PPP1R12A: variants seen among roughly 807,000 people sequenced by gnomAD.
PPP1R12A encodes myosin binding subunit.
A neutral mutation model predicts 139.6 loss-of-function variants in PPP1R12A; 19 were observed. The ratio of observed to expected loss-of-function variants is 0.14; its 90% CI spans 0.09 to 0.20. The LOEUF (loss-of-function observed/expected upper bound fraction) is 0.20. Among genes scored for constraint, PPP1R12A ranks in the 10% least tolerant of loss-of-function variants. PPP1R12A has a pLI of 1.00. For synonymous variants in PPP1R12A, 427 were observed against 420.6 expected, an observed-to-expected ratio of 1.02 and a Z score of -0.19; for missense variants, 925 against 1,211.5, an observed-to-expected ratio of 0.76 and a Z score of 3.51.
At chr12:79,900,357 C>T (rs1391474659) in intron 1 of PPP1R12A, among the ~76,000 whole-genome samples, 2 of 152,160 alleles carry the variant, frequency 1.3e-5, no homozygotes, top group Non-Finnish European at 2.9e-5. Context: ...AGCAAATAAG[C>T]TCCATGTAAA....
intron 21 of PPP1R12A, chr12:79,786,727 C>T (rs1871180043): frequency 3.6e-6 from 1 of 279,968 alleles, no homozygotes; most frequent in East Asian, 8.2e-5. Context: ...TTGGACTTTT[C>T]AGGTTATCTT....
In PPP1R12A at chr12:79,830,322, T is replaced by C. The variant is rs1417469817; in HGVS notation, c.648-1858A>G. ...TCCTTGATTTTGACATTTCATAATATACCCTAGTGTTCTTTCTATAACAGT... is the reference window on the plus strand; with the variant it reads ...TCCTTGATTTTGACATTTCATAATACACCCTAGTGTTCTTTCTATAACAGT... On this transcript the variant is annotated intron_variant, in intron 4 of 24. Transcript: ENST00000450142. 2.0e-5 allele frequency among the ~76,000 whole-genome samples: 3 copies of C among 152,318 alleles called. No homozygotes were observed. The East Asian group carries it at 5.8e-4, about 29-fold the overall frequency.
chr12:79,806,498 G>A (rs528941577), intron 12 of PPP1R12A, among the ~76,000 whole-genome samples, 165 bp from the exon 13 acceptor site: 1 of 152,294 alleles, frequency 6.6e-6, no homozygotes, highest in Admixed American at 6.5e-5. Context: ...ACTTGCTAGA[G>A]TTTAGAAGAT....
intron 11 of PPP1R12A, among the ~76,000 whole-genome samples, chr12:79,808,038 AAAAAAT>A (rs1165825036): frequency 1.4e-4 from 22 of 151,776 alleles, no homozygotes; most frequent in African/African-American, 2.9e-4. Flanking sequence ...TCTGTCTCAA[AAAAAAT>A]AAAAATAAAA....
At chr12:79,872,707 A>G (rs1001219241) in intron 2 of PPP1R12A, 101 bp downstream of exon 2, 3 of 1,232,846 alleles carry the variant, frequency 2.4e-6, no homozygotes, top group South Asian at 3.2e-5. Context: ...TTCATGAATT[A>G]AAGTAATATA....
intron 3 of PPP1R12A, among the ~76,000 whole-genome samples, chr12:79,836,306 A>G (rs1281882717): frequency 1.3e-5 from 2 of 152,088 alleles, no homozygotes; most frequent in Admixed American, 6.6e-5. Context: ...TTTATCTTAG[A>G]TTTGCTTTTT....
intron 2 of PPP1R12A, among the ~76,000 whole-genome samples, chr12:79,869,021 C>G (rs896869641): frequency 2.0e-5 from 3 of 152,172 alleles, no homozygotes; most frequent in African/African-American, 7.2e-5. Flanking sequence ...AGCATAAAAT[C>G]AGGCTCCACA....
At chr12:79,923,780 C>A (rs556178202) in intron 1 of PPP1R12A, among the ~76,000 whole-genome samples, 1 of 152,120 alleles carries the variant, frequency 6.6e-6, no homozygotes, top group South Asian at 2.1e-4. Context: ...CGGTGGCTCA[C>A]GCCTGTAATC....
intron 2 of PPP1R12A, among the ~76,000 whole-genome samples, chr12:79,860,878 G>A (rs967002186): frequency 1.3e-5 from 2 of 151,912 alleles, no homozygotes; most frequent in Non-Finnish European, 2.9e-5. Context: ...TGGTGGTGGC[G>A]GCATTATTAT....
chr12:79,796,503 A>G (rs1872534045), intron 17 of PPP1R12A, among the ~76,000 whole-genome samples: 1 of 152,188 alleles, frequency 6.6e-6, no homozygotes, highest in Admixed American at 6.6e-5. Flanking sequence ...CTGCTTCTAG[A>G]AATAGTCACC....
chr12:79,810,605 T>C (rs1037922844), intron 9 of PPP1R12A, among the ~76,000 whole-genome samples: 3 of 152,168 alleles, frequency 2.0e-5, no homozygotes, highest in African/African-American at 7.2e-5. Context: ...TTTTCTTCAT[T>C]TGAAAATAAT....
chr12:79,923,993 G>A (rs1222093712), intron 1 of PPP1R12A, among the ~76,000 whole-genome samples: 8 of 152,192 alleles, frequency 5.3e-5, no homozygotes, highest in African/African-American at 9.6e-5. Flanking sequence ...GCAGTGAGCC[G>A]AGATTGTGCC....
chr12:79,836,748 C>T (rs1375417997), intron 3 of PPP1R12A, among the ~76,000 whole-genome samples: 1 of 152,158 alleles, frequency 6.6e-6, no homozygotes, highest in Non-Finnish European at 1.5e-5. Context: ...AGGAGACTTG[C>T]TTTCTAAGTT....
intron 9 of PPP1R12A, among the ~76,000 whole-genome samples, chr12:79,815,450 G>A (rs1399387720): frequency 6.6e-6 from 1 of 151,878 alleles, no homozygotes; most frequent in Non-Finnish European, 1.5e-5. Context: ...AAACCCGGGA[G>A]GCAGATGTTG....
chr12:79,838,385 A>AT (rs1878332306), intron 3 of PPP1R12A, among the ~76,000 whole-genome samples: 1 of 152,246 alleles, frequency 6.6e-6, no homozygotes, highest in African/African-American at 2.4e-5. Flanking sequence ...AGAAAACCCA[A>AT]TTTTCTGGGG....
Position 79,798,866 on chromosome 12 carries a change from TA to T in PPP1R12A, c.2001-283del, listed in dbSNP as rs1014121226. Among the ~76,000 whole-genome samples, 39 of 152,288 alleles carry T rather than the reference TA, an allele frequency of 2.6e-4. 1 individual carries two copies. The highest frequency in any genetic ancestry group is 9.1e-4 in the African/African-American group (38 of 41,566). On this transcript the variant is annotated intron_variant, in intron 14 of 24. Coordinates refer to ENST00000450142, the MANE Select transcript of PPP1R12A (RefSeq NM_002480.3). The stretch of plus-strand genomic sequence containing the variant: ...TAATTTTAAGATGGAACCACATTTT[TA>T]AAAAGGATTTAGAGAACTGAAGATT...
At chr12:79,892,256 A>G (rs185856856) in intron 1 of PPP1R12A, among the ~76,000 whole-genome samples, 281 of 152,264 alleles carry the variant, frequency 1.8e-3, no homozygotes, top group Middle Eastern at 6.8e-3. Context: ...CTCCACTTGC[A>G]CAAATTCAAA....
chr12:79,873,660 T>A (rs1409349947), intron 1 of PPP1R12A, among the ~76,000 whole-genome samples: 2 of 152,022 alleles, frequency 1.3e-5, no homozygotes, highest in Non-Finnish European at 2.9e-5. Context: ...TGAGACCCTG[T>A]CTCCAAAAAA....
chr12:79,894,362 T>A (rs1884939225), intron 1 of PPP1R12A, among the ~76,000 whole-genome samples: 1 of 152,166 alleles, frequency 6.6e-6, no homozygotes, highest in Non-Finnish European at 1.5e-5. Context: ...TTGGTTTTTT[T>A]CTTTTCTTTC....
Sources: gnomAD v4.1 joint callset for allele counts (sites outside exome capture counted in the v4.1 genomes callset) on GRCh38, gnomAD v4.1.1 for gene constraint, MANE v1.5 for transcripts, NCBI Gene and HGNC (gene_info 2026-07-23, HGNC 2026-07-21) for gene names.